Variants in BICC1 observed in about 807,000 individuals in gnomAD.
BICC1 encodes protein bicaudal C homolog 1.
BICC1 carries 43 observed loss-of-function variants against 111.0 expected under a neutral mutation model. The observed-to-expected ratio is 0.39, with a 90% CI of 0.30 to 0.50. The LOEUF (loss-of-function observed/expected upper bound fraction) is 0.50. BICC1 is among the 20% of genes least tolerant of loss of function. The probability of loss-of-function intolerance (pLI) is 0.88; values close to 1 mark genes in which losing one functional copy is unlikely to be tolerated. For synonymous variants in BICC1, 467 were observed against 434.4 expected (o/e 1.07, Z -0.93); for missense variants, 1,091 against 1,203.2 (o/e 0.91, Z 1.38).
At chr10:58,573,468 G>T (rs1399745979) in intron 1 of BICC1, among the ~76,000 whole-genome samples, 1 of 152,142 alleles carries the variant, frequency 6.6e-6, no homozygotes, top group African/African-American at 2.4e-5. Context: ...TGGTCTGAAA[G>T]AGGTTTTGCT....
At chr10:58,746,449 C>A (rs188806029) in intron 3 of BICC1, among the ~76,000 whole-genome samples, 1 of 152,220 alleles carries the variant, frequency 6.6e-6, no homozygotes, top group East Asian at 1.9e-4. Context: ...CCAAAGAGGA[C>A]AGGGGTAAGA....
In BICC1 at chr10:58,796,495, A is replaced by T; in HGVS notation, c.1335A>T (p.Leu445Phe). The change falls in exon 10 of 21, where the codon TTA becomes TTT. Residue 445 changes from leucine to phenylalanine, a missense_variant. Physicochemically the swap from Leu to Phe is conservative, Grantham distance 22. Coordinates refer to ENST00000373886, the MANE Select transcript of BICC1 (RefSeq NM_001080512.3). Reference protein sequence around the residue: ...AGLACPSLDILASAGLGLTGL... With the variant: ...AGLACPSLDIFASAGLGLTGL... ...TGGCATGTCCCAGCCTGGATATCTT[A>T]GCTTCAGCAGGCCTTGGACTCACTG... 1 of 1,614,010 alleles carries T rather than the reference A, an allele frequency of 6.2e-7. No individual in the cohort carries two copies. Among genetic ancestry groups the T allele is most frequent in the Non-Finnish European group, 8.5e-7 (1 of 1,179,960 alleles).
At chr10:58,593,238 A>C (rs113086259) in intron 1 of BICC1, among the ~76,000 whole-genome samples, 2 of 152,198 alleles carry the variant, frequency 1.3e-5, no homozygotes, top group Non-Finnish European at 2.9e-5. Flanking sequence ...GAAGCAGCCC[A>C]GGTCAGGAAC....
chr10:58,660,922 G>T (rs754530246), intron 2 of BICC1, among the ~76,000 whole-genome samples: 3 of 152,220 alleles, frequency 2.0e-5, no homozygotes, highest in Non-Finnish European at 2.9e-5. Flanking sequence ...TGGAGTAGTA[G>T]AGATTTAAGA....
intron 3 of BICC1, among the ~76,000 whole-genome samples, chr10:58,735,085 C>T (rs1258951092): frequency 6.6e-6 from 1 of 152,186 alleles, no homozygotes; most frequent in African/African-American, 2.4e-5. Context: ...CCACCCTTAA[C>T]CAGAAGCAAA....
At chr10:58,702,019 A>C (rs552721124) in intron 2 of BICC1, 55 bp from the exon 3 acceptor site, 1 of 1,348,706 alleles carries the variant, frequency 7.4e-7, no homozygotes, top group Admixed American at 1.8e-5. Context: ...GAAAAATCTT[A>C]TCTGTAAATA....
intron 2 of BICC1, among the ~76,000 whole-genome samples, chr10:58,667,587 A>T (rs10740752): frequency 6.6e-6 from 1 of 151,910 alleles, no homozygotes; most frequent in African/African-American, 2.4e-5. Context: ...TTCTTAAACC[A>T]TTCTGTGGAA....
chr10:58,566,289 CAT>C (rs57015473), intron 1 of BICC1, among the ~76,000 whole-genome samples: 55,746 of 151,534 alleles, frequency 0.37, 10,561 homozygotes, highest in East Asian at 0.48. Flanking sequence ...TAGATACAAA[CAT>C]GTACACACAC....
chr10:58,775,046 T>C (rs1355463094), intron 3 of BICC1, among the ~76,000 whole-genome samples: 55 of 152,094 alleles, frequency 3.6e-4, no homozygotes, highest in Non-Finnish European at 2.9e-5. Context: ...AAAAAACAGT[T>C]TTAAAGGACT....
intron 20 of BICC1, among the ~76,000 whole-genome samples, chr10:58,824,531 G>A (rs1315301290): frequency 6.6e-6 from 1 of 152,098 alleles, no homozygotes; most frequent in Non-Finnish European, 1.5e-5. Context: ...TCCAGAACTT[G>A]GCCATAGGAG....
chr10:58,599,929 G>GGTGTGTGTGTGTGTGT lies in BICC1; in HGVS notation c.191-20915_191-20900dup, dbSNP rs59937252. Among the ~76,000 whole-genome samples, 6 of 149,784 alleles carry GGTGTGTGTGTGTGTGT rather than the reference G, an allele frequency of 4.0e-5. No homozygotes were observed. In the East Asian group the frequency reaches 1.2e-3, roughly 30 times the overall value. On this transcript the variant is annotated intron_variant, in intron 1 of 20. Coordinates refer to ENST00000373886, the MANE Select transcript of BICC1 (RefSeq NM_001080512.3). Reference sequence around the variant, plus strand: ...TCTTTCACAAAATCTAACTAAAGAGGGTGTGTGTGTGTGTGTGTGTGTGTG... The same window carrying GGTGTGTGTGTGTGTGT: ...TCTTTCACAAAATCTAACTAAAGAGGGTGTGTGTGTGTGTGTGTGTGTGTGTGTGTGTGTGTGTGTG...
chr10:58,615,951 G>A (rs923196782), intron 1 of BICC1, among the ~76,000 whole-genome samples: 3 of 152,148 alleles, frequency 2.0e-5, no homozygotes, highest in South Asian at 4.1e-4. Context: ...AATGCACTAT[G>A]AAAAGTACAC....
chr10:58,718,931 TATTTCTA>T (rs1840849945), intron 3 of BICC1, among the ~76,000 whole-genome samples: 1 of 152,212 alleles, frequency 6.6e-6, no homozygotes, highest in Admixed American at 6.5e-5. Flanking sequence ...TGTTTGGTTT[TATTTCTA>T]TGTGTTGGGA....
intron 2 of BICC1, among the ~76,000 whole-genome samples, chr10:58,645,797 T>A (rs1178767658): frequency 6.6e-6 from 1 of 152,222 alleles, no homozygotes; most frequent in East Asian, 1.9e-4. Flanking sequence ...GCCTTGAAGT[T>A]GAATAGAAAC....
chr10:58,580,939 A>C (rs1403485975), intron 1 of BICC1, among the ~76,000 whole-genome samples: 1 of 152,080 alleles, frequency 6.6e-6, no homozygotes, highest in Non-Finnish European at 1.5e-5. Flanking sequence ...ATTATGTGAC[A>C]ACCTTTGTAT....
intron 3 of BICC1, among the ~76,000 whole-genome samples, chr10:58,717,959 C>CA (rs763815803): frequency 7.2e-4 from 109 of 151,878 alleles, no homozygotes; most frequent in South Asian, 1.5e-3. Flanking sequence ...AACAAAAAAA[C>CA]AAAAAAAACC....
At chr10:58,639,910 G>T (rs754687258) in intron 2 of BICC1, among the ~76,000 whole-genome samples, 1 of 151,378 alleles carries the variant, frequency 6.6e-6, no homozygotes, top group Non-Finnish European at 1.5e-5. Flanking sequence ...ACAGGGTTTC[G>T]CCATGTTGCC....
chr10:58,766,274 G>C (rs1196937766), intron 3 of BICC1, among the ~76,000 whole-genome samples: 1 of 152,094 alleles, frequency 6.6e-6, no homozygotes, highest in Non-Finnish European at 1.5e-5. Flanking sequence ...AGTGCCATGG[G>C]GTGGGGATGA....
Position 58,596,164 on chromosome 10 carries a change from A to G in BICC1, c.191-24691A>G, listed in dbSNP as rs1588907704. Among the ~76,000 whole-genome samples, 4 of 152,230 alleles carry G rather than the reference A, an allele frequency of 2.6e-5. No homozygotes were observed. In the South Asian group the frequency reaches 8.3e-4, roughly 32 times the overall value. Reference sequence around the variant, plus strand: ...ACCCTCCCAAGGCTAAACCAGGAAGAAGTTGAATCCCTGAATAAACCAATA... The same window carrying G: ...ACCCTCCCAAGGCTAAACCAGGAAGGAGTTGAATCCCTGAATAAACCAATA... On this transcript the variant is annotated intron_variant, in intron 1 of 20. Transcript: ENST00000373886.
Sources: gnomAD v4.1 joint callset for allele counts (sites outside exome capture counted in the v4.1 genomes callset) on GRCh38, gnomAD v4.1.1 for gene constraint, MANE v1.5 for transcripts, NCBI Gene and HGNC (gene_info 2026-07-23, HGNC 2026-07-21) for gene names.